Variants in MEGF11 observed in about 807,000 individuals in gnomAD.
MEGF11 encodes multiple EGF like domains 11, also known as multiple epidermal growth factor-like domains protein 11.
In MEGF11, 126 loss-of-function variants were observed where a neutral mutation model predicts 146.6. The observed-to-expected ratio is 0.86, with a 90% CI of 0.74 to 1.00. The LOEUF is 1.00. MEGF11 is among the 50% of genes least tolerant of loss of function. The pLI is 0.00. For synonymous variants in MEGF11, 532 were observed against 583.4 expected (o/e 0.91, Z 1.27); for missense variants, 1,509 against 1,521.2 (o/e 0.99, Z 0.13).
chr15:66,033,918 G>C (rs971725678), intron 5 of MEGF11, among the ~76,000 whole-genome samples: 4 of 152,190 alleles, frequency 2.6e-5, no homozygotes, highest in Admixed American at 2.6e-4. Context: ...AGCCTCCCCA[G>C]TAGCTGGGAT....
rs2088192853 is a variant in MEGF11, at chr15:66,123,954, T to A, written c.145A>T (p.Ile49Phe). The change falls in exon 3 of 26, where the codon ATC (isoleucine) becomes TTC (phenylalanine). Residue 49 changes from isoleucine to phenylalanine, a missense_variant. By Grantham distance (21) the Ile-to-Phe change is conservative (BLOSUM62 0). Coordinates refer to ENST00000395614, the MANE Select transcript of MEGF11 (RefSeq NM_001385028.1). ...ATGTCTGTGCATCGTGTGTAATAGA[T>A]CTGATCGAAGGGGTGTGCATACGAT... ...QESYAHPFDQ[I>F]YYTRCTDILN... 1 of 1,613,824 alleles carries A rather than the reference T, an allele frequency of 6.2e-7. No individual in the cohort carries two copies.
At chr15:66,056,868 G>A (rs1356740558) in intron 5 of MEGF11, among the ~76,000 whole-genome samples, 1 of 152,198 alleles carries the variant, frequency 6.6e-6, no homozygotes, top group Admixed American at 6.5e-5. Flanking sequence ...ATTTTGCTTA[G>A]GGATGCCAGG....
chr15:66,014,781 A>G (rs1030687670), intron 5 of MEGF11, among the ~76,000 whole-genome samples: 11 of 152,144 alleles, frequency 7.2e-5, no homozygotes, highest in Non-Finnish European at 1.5e-4. Flanking sequence ...TGTTACCAGC[A>G]CTGCACCTGT....
rs555874773 is a variant in MEGF11 at position 66,000,953 on chromosome 15, A to C, written c.395-18465T>G. ...AGAGTGGGCTTAAAGGATGGGGTGG[A>C]GCTTGGGAGAACAGCATGGGCAAAA... On this transcript the variant is annotated intron_variant, in intron 5 of 25. Transcript: ENST00000395614. Among the ~76,000 whole-genome samples the C allele has an allele frequency of 2.7e-3, 411 of 152,226 alleles. 2 individuals are homozygous for C. The highest frequency in any genetic ancestry group is 8.9e-3 in the African/African-American group (371 of 41,524).
At chr15:66,182,546 C>G (rs75132835) in intron 1 of MEGF11, among the ~76,000 whole-genome samples, 1,964 of 152,238 alleles carry the variant, frequency 0.013, 34 homozygotes, top group African/African-American at 0.044. Flanking sequence ...ACTGAGCTCC[C>G]TGGAGCAGCT....
At chr15:65,967,085 A>G (rs1474380686) in intron 8 of MEGF11, 6 of 152,216 alleles carry the variant, frequency 3.9e-5, no homozygotes. Flanking sequence ...AAGCTCTGAC[A>G]TCCTCTTCTT....
At chr15:66,048,988 G>T (rs1301268170) in intron 5 of MEGF11, among the ~76,000 whole-genome samples, 1 of 152,212 alleles carries the variant, frequency 6.6e-6, no homozygotes, top group Non-Finnish European at 1.5e-5. Flanking sequence ...TCTCAGAAGA[G>T]ACCACCAGGG....
chr15:66,030,177 C>T (rs2083465886), intron 5 of MEGF11, among the ~76,000 whole-genome samples: 1 of 152,216 alleles, frequency 6.6e-6, no homozygotes, highest in Non-Finnish European at 1.5e-5. Flanking sequence ...GGCCACACGT[C>T]TGCAACTCAT....
intron 9 of MEGF11, among the ~76,000 whole-genome samples, chr15:65,960,087 G>A (rs1251408353): frequency 6.6e-6 from 1 of 152,134 alleles, no homozygotes; most frequent in Non-Finnish European, 1.5e-5. Context: ...AATCAATGCT[G>A]CATCTGTTGG....
intron 5 of MEGF11, among the ~76,000 whole-genome samples, chr15:66,036,318 A>G (rs536785812): frequency 6.6e-6 from 1 of 152,244 alleles, no homozygotes; most frequent in Admixed American, 6.5e-5. Flanking sequence ...CTCCCTCCCA[A>G]AGAAGCTCCC....
At chr15:65,997,624 T>C (rs2082241248) in intron 5 of MEGF11, among the ~76,000 whole-genome samples, 1 of 152,260 alleles carries the variant, frequency 6.6e-6, no homozygotes, top group Non-Finnish European at 1.5e-5. Flanking sequence ...TTTTGTTTAC[T>C]GTCTGGGATT....
At chr15:66,159,314 C>T (rs1317516947) in intron 1 of MEGF11, among the ~76,000 whole-genome samples, 1 of 152,208 alleles carries the variant, frequency 6.6e-6, no homozygotes, top group Non-Finnish European at 1.5e-5. Flanking sequence ...CCACTGTGCC[C>T]ATCTTGAAAT....
chr15:66,193,735 C>T (rs998084556), intron 1 of MEGF11, among the ~76,000 whole-genome samples: 3 of 151,788 alleles, frequency 2.0e-5, no homozygotes, highest in African/African-American at 7.3e-5. Flanking sequence ...CCCACATATA[C>T]CAAGGGAAGG....
At chr15:65,963,026 C>T (rs1249320465) in intron 9 of MEGF11, among the ~76,000 whole-genome samples, 1 of 152,208 alleles carries the variant, frequency 6.6e-6, no homozygotes, top group Non-Finnish European at 1.5e-5. Flanking sequence ...ATGAATTATA[C>T]AGGGCATGGT....
At chr15:66,180,036 T>C (rs997180396) in intron 1 of MEGF11, among the ~76,000 whole-genome samples, 2 of 152,134 alleles carry the variant, frequency 1.3e-5, no homozygotes, top group African/African-American at 4.8e-5. Flanking sequence ...TATAAGCTCA[T>C]TGGTATCTCC....
intron 24 of MEGF11, among the ~76,000 whole-genome samples, chr15:65,901,002 A>C (rs2078481830): frequency 6.6e-6 from 1 of 152,192 alleles, no homozygotes. Flanking sequence ...CCAACTTCAT[A>C]TATATTTTTA....
intron 5 of MEGF11, among the ~76,000 whole-genome samples, chr15:66,010,931 T>C (rs1418016961): frequency 6.6e-6 from 1 of 151,952 alleles, no homozygotes; most frequent in East Asian, 1.9e-4. Flanking sequence ...GGTGTGGCAG[T>C]GGGGAGAGGG....
intron 4 of MEGF11, among the ~76,000 whole-genome samples, chr15:66,100,287 T>C (rs2086735230): frequency 6.6e-6 from 1 of 152,124 alleles, no homozygotes; most frequent in South Asian, 2.1e-4. Context: ...TTCTGGGCGG[T>C]GAATCCTCCC....
chr15:66,057,825 T>G (rs1332925140), intron 5 of MEGF11, among the ~76,000 whole-genome samples: 2 of 152,230 alleles, frequency 1.3e-5, no homozygotes, highest in Non-Finnish European at 2.9e-5. Context: ...GCCCAGCTCT[T>G]AAGTAGAATT....
Sources: gnomAD v4.1 joint callset for allele counts (sites outside exome capture counted in the v4.1 genomes callset) on GRCh38, gnomAD v4.1.1 for gene constraint, MANE v1.5 for transcripts, NCBI Gene and HGNC (gene_info 2026-07-23, HGNC 2026-07-21) for gene names.